The following CIC variants were observed in gnomAD, a reference collection of about 807,000 sequenced individuals.
CIC encodes the protein protein capicua homolog.
CIC carries 18 observed loss-of-function variants against 115.7 expected under a neutral mutation model. That is an observed-to-expected ratio of 0.16 (90% CI 0.11 to 0.23). CIC has a LOEUF of 0.23. CIC is among the 10% of genes least tolerant of loss of function. The pLI is 1.00. For synonymous variants in CIC, 1,076 were observed against 923.0 expected, an observed-to-expected ratio of 1.17 and a Z score of -3.01; for missense variants, 2,000 against 2,159.3, an observed-to-expected ratio of 0.93 and a Z score of 1.46.
intron 2 of CIC, among the ~76,000 whole-genome samples, chr19:42,277,079 C>T (rs1042950413): frequency 2.0e-5 from 3 of 152,202 alleles, no homozygotes; most frequent in Admixed American, 6.5e-5. Flanking sequence ...ATGCACGTGC[C>T]TGGCACACTT....
At position 42,290,297 on chromosome 19, in the gene CIC, T is replaced by G. The variant is rs1319483888; in HGVS notation, c.4256T>G (p.Leu1419Arg). 1 of 1,613,920 alleles carries G rather than the reference T, an allele frequency of 6.2e-7. No homozygotes were observed. Among genetic ancestry groups the G allele is most frequent in the African/African-American group, 1.3e-5 (1 of 74,874 alleles). ...TCCTTTACCCACTGCCGCCCCCCAC[T>G]GGACCCTGAGCCCCCAGGGCCCCCG... ...RSSFTHCRPP[L>R]DPEPPGPPDP... The change falls in exon 11 of 21, where the codon CTG becomes CGG. Residue 1419 changes from leucine to arginine, a missense_variant. Coordinates refer to ENST00000681038, the MANE Select transcript of CIC (RefSeq NM_001386298.1).
intron 2 of CIC, chr19:42,284,196 G>C (rs1049846530): frequency 6.8e-6 from 1 of 147,840 alleles, no homozygotes; most frequent in African/African-American, 2.4e-5. Context: ...GGAAAGGCGG[G>C]GCGGCGGCGC....
chr19:42,289,767 T>G, intron 9 of CIC, 81 bp from the exon 10 acceptor site: 3 of 1,229,718 alleles, frequency 2.4e-6, no homozygotes, highest in Non-Finnish European at 3.5e-6. Context: ...GGAGCAGAGC[T>G]GAGATCCAGG....
chr19:42,284,809 G>C, intron 2 of CIC: 1 of 1,508,498 alleles, frequency 6.6e-7, no homozygotes, highest in Non-Finnish European at 8.9e-7. Flanking sequence ...CAGGGGTCAA[G>C]GTGTCGGGGT....
chr19:42,292,887 G>A, intron 15 of CIC, 28 bp downstream of exon 15: 1 of 1,613,960 alleles, frequency 6.2e-7, no homozygotes, highest in Non-Finnish European at 8.5e-7. Flanking sequence ...CCAGAGCAGA[G>A]TGAGTTGGGG....
chr19:42,293,541 C>T lies in CIC; in HGVS notation c.6523-51C>T, dbSNP rs754982608. 5 of 1,612,756 alleles carry T rather than the reference C, an allele frequency of 3.1e-6. No individual in the cohort carries two copies. The Admixed American group carries it at 5.0e-5, about 16-fold the overall frequency. ...CCAACTCTTTGTTTCTGGCCTTTGC[C>T]CCAGAGTCTGAGCTCAGTGTTCGCC... On this transcript the variant is annotated intron_variant, in intron 16 of 20. Transcript: ENST00000681038.
intron 2 of CIC, 112 bp from the exon 3 acceptor site, chr19:42,286,659 G>A (rs1465524410): frequency 1.4e-6 from 2 of 1,390,372 alleles, no homozygotes; most frequent in Non-Finnish European, 2.0e-6. Context: ...GGTGTTGGGG[G>A]TGGGGGGTAG....
intron 8 of CIC, 33 bp from the exon 9 acceptor site, chr19:42,289,148 C>G: frequency 6.2e-7 from 1 of 1,613,202 alleles, no homozygotes; most frequent in Non-Finnish European, 8.5e-7. Flanking sequence ...GGGCAGCAGC[C>G]CCGCTGAACC....
At position 42,292,422 on chromosome 19, in the gene CIC, C is replaced by T. The variant is rs2147300302; in HGVS notation, c.5858C>T (p.Ser1953Leu). The T allele has an allele frequency of 1.2e-6, 2 of 1,611,256 alleles. No individual in the cohort carries two copies. Among genetic ancestry groups the T allele is most frequent in the Non-Finnish European group, 8.5e-7 (1 of 1,178,724 alleles). Residue 1953 changes from serine (S) to leucine (L), a missense_variant, in exon 14 of 21, where the codon TCG (serine) becomes TTG (leucine). Coordinates refer to ENST00000681038, the MANE Select transcript of CIC (RefSeq NM_001386298.1). ...PTSSVALGFT[S>L]LGPSGPAFVQ... is the part of the protein sequence containing the mutation. ...AGCTCTGTAGCTCTAGGCTTCACCT[C>T]GCTGGGGCCCAGCGGCCCCGCCTTC...
Position 42,291,143 on chromosome 19 carries a change from C to A in CIC, c.5102C>A (p.Ala1701Glu), listed in dbSNP as rs774176088. The A allele has an allele frequency of 6.2e-7, 1 of 1,607,530 alleles. No homozygotes were observed. The highest frequency in any genetic ancestry group is 1.7e-4 in the Middle Eastern group (1 of 5,990). Residue 1701 changes from alanine to glutamate, a missense_variant, in exon 11 of 21, where the codon GCG (alanine) becomes GAG (glutamate). This residue lies in a region of CIC where 1,466 missense variants were observed against 1,390.4 expected (regional missense o/e 1.05). Coordinates refer to ENST00000681038, the MANE Select transcript of CIC (RefSeq NM_001386298.1). ...AQGAPGGGTT[A>E]GSGAGAGSGP... ...GGGGCCCCTGGTGGTGGGACCACTGCGGGCTCAGGAGCAGGTGCTGGGAGT... is the reference window on the plus strand; with the variant it reads ...GGGGCCCCTGGTGGTGGGACCACTGAGGGCTCAGGAGCAGGTGCTGGGAGT...
At chr19:42,278,850 G>A (rs1373494023) in intron 2 of CIC, among the ~76,000 whole-genome samples, 3 of 152,214 alleles carry the variant, frequency 2.0e-5, no homozygotes, top group African/African-American at 7.2e-5. Context: ...CTGCTGAGAA[G>A]TGCTGAGATC....
At position 42,292,222 on chromosome 19, in the gene CIC, G is replaced by T. The variant is rs79992997; in HGVS notation, c.5735+15G>T. The stretch of plus-strand genomic sequence containing the variant: ...TCCTCCACCAGGTAATTGCAGCTGA[G>T]CCCATACTCAGAGGCCAGGGAAGGG... On this transcript the variant is annotated intron_variant, in intron 13 of 20. Transcript: ENST00000681038. The T allele has an allele frequency of 6.2e-7, 1 of 1,613,926 alleles. No homozygotes were observed. The highest frequency in any genetic ancestry group is 1.1e-5 in the South Asian group (1 of 91,090).
chr19:42,291,136 A>G lies in CIC; in HGVS notation c.5095A>G (p.Thr1699Ala), dbSNP rs770264911. 7 of 1,608,260 alleles carry G rather than the reference A, an allele frequency of 4.4e-6. No individual in the cohort carries two copies. The highest frequency in any genetic ancestry group is 6.0e-6 in the Non-Finnish European group (7 of 1,176,206). The change falls in exon 11 of 21, where the codon ACC becomes GCC. Residue 1699 changes from threonine (T) to alanine (A), a missense_variant. Transcript: ENST00000681038. Reference protein sequence around the residue: ...FIAQGAPGGGTTAGSGAGAGS... With the variant: ...FIAQGAPGGGATAGSGAGAGS... ...TGCCCAGGGGGCCCCTGGTGGTGGG[A>G]CCACTGCGGGCTCAGGAGCAGGTGC...
At position 42,289,186 on chromosome 19, in the gene CIC, G is replaced by A. The variant is rs746297341; in HGVS notation, c.3867G>A (p.Val1289=). ...CTCTGCCACCTATCCTGCAGATGGT[G>A]TCTGGCCCTGCATCGTACTCTGGCC... is the stretch of plus-strand genomic sequence containing the variant. ...SQALQELTQM[V]SGPASYSGPK... Residue 1289 remains valine, a synonymous_variant, in exon 9 of 21, where the codon GTG becomes GTA. Coordinates refer to ENST00000681038, the MANE Select transcript of CIC (RefSeq NM_001386298.1). The A allele has an allele frequency of 2.2e-5, 35 of 1,613,214 alleles. No individual in the cohort carries two copies. The South Asian group carries it at 3.6e-4, about 17-fold the overall frequency.
chr19:42,293,758 G>T lies in CIC; in HGVS notation c.6689G>T (p.Arg2230Leu), dbSNP rs367735541. ...SGRAAGDTPE[R>L]KEAAGTGKKV... ...CGGGCAGCCGGGGACACCCCGGAGC[G>T]CAAGGAGGCGGCTGGTACTGGCAAG... Residue 2230 changes from arginine to leucine, a missense_variant, in exon 17 of 21, where the codon CGC becomes CTC. By Grantham distance (102) the Arg-to-Leu change is moderately radical. Transcript: ENST00000681038. 6.2e-7 allele frequency: 1 copy of T among 1,612,824 alleles called. No individual in the cohort carries two copies. Among genetic ancestry groups the T allele is most frequent in the Non-Finnish European group, 8.5e-7 (1 of 1,179,770 alleles).
rs1243568637 is a variant in CIC at position 42,287,161 on chromosome 19, C to T, written c.3100C>T (p.Pro1034Ser). The T allele has an allele frequency of 6.2e-7, 1 of 1,613,504 alleles. No homozygotes were observed. Among genetic ancestry groups the T allele is most frequent in the Admixed American group, 1.7e-5 (1 of 60,016 alleles). Residue 1034 changes from proline to serine, a missense_variant, in exon 4 of 21, where the codon CCC becomes TCC. Pro to Ser is a moderately conservative substitution (Grantham distance 74). Coordinates refer to ENST00000681038, the MANE Select transcript of CIC (RefSeq NM_001386298.1). This position sits in a 1 kb window ranked among gnomAD's most constrained non-coding sequence, Gnocchi z 8.7. The stretch of plus-strand genomic sequence containing the variant: ...GGTGGAATCTGGTAAGGGTCCGCCT[C>T]CCACCACGGAGGAGGAGGCCTCCGG... ...GVVESGKGPP[P>S]TTEEEASGPP...
At chr19:42,289,135 C>G (rs2147230492) in intron 8 of CIC, 45 bp downstream of exon 8, 1 of 1,613,214 alleles carries the variant, frequency 6.2e-7, no homozygotes, top group Non-Finnish European at 8.5e-7. Context: ...GGGAACCTGT[C>G]CAGGGCAGCA....
At position 42,287,154 on chromosome 19, in the gene CIC, T is replaced by C; in HGVS notation, c.3093T>C (p.Gly1031=). ...TGGGGGTGGTGGAATCTGGTAAGGG[T>C]CCGCCTCCCACCACGGAGGAGGAGG... The part of the protein sequence containing the change: ...HPLGVVESGK[G]PPPTTEEEAS... Residue 1031 remains glycine (G), a synonymous_variant, in exon 4 of 21, where the codon GGT becomes GGC. Coordinates refer to ENST00000681038, the MANE Select transcript of CIC (RefSeq NM_001386298.1). This position sits in a 1 kb window ranked among gnomAD's most constrained non-coding sequence, Gnocchi z 8.7. 6.2e-7 allele frequency: 1 copy of C among 1,613,180 alleles called. No individual in the cohort carries two copies. Among genetic ancestry groups the C allele is most frequent in the South Asian group, 1.1e-5 (1 of 91,050 alleles).
In CIC at chr19:42,295,107, G is replaced by C. The variant is rs949398192; in HGVS notation, c.7470G>C (p.Ser2490=). 2 of 1,524,126 alleles carry C rather than the reference G, an allele frequency of 1.3e-6. No individual in the cohort carries two copies. The highest frequency in any genetic ancestry group is 4.0e-5 in the Admixed American group (2 of 49,698). 94.4% of individuals were successfully genotyped at this position (1,524,126 alleles called of 1,614,324 possible). A position where few individuals can be genotyped will look rare whatever the true frequency, so the allele number is the denominator to read the frequency against. ...AAPPLPPPPE[S]GPGQPGWEGA... ...CGCCACTGCCTCCACCCCCAGAGTCGGGGCCTGGACAGCCTGGCTGGGAGG... is the reference window on the plus strand; with the variant it reads ...CGCCACTGCCTCCACCCCCAGAGTCCGGGCCTGGACAGCCTGGCTGGGAGG... Residue 2490 remains serine (S), a synonymous_variant, in exon 21 of 21, where the codon TCG becomes TCC. Transcript: ENST00000681038.
Sources: allele counts gnomAD v4.1 joint callset (sites outside exome capture counted in the v4.1 genomes callset), GRCh38; gene constraint gnomAD v4.1.1; regional missense constraint gnomAD v4.1.1; non-coding constraint Gnocchi (gnomAD v3.1); transcripts MANE v1.5; gene names NCBI Gene and HGNC (gene_info 2026-07-23, HGNC 2026-07-21).